FAM227B: variants seen among roughly 807,000 people sequenced by gnomAD.
FAM227B encodes the protein family with sequence similarity 227 member B, also known as protein FAM227B.
Under a neutral mutation model 73.8 loss-of-function variants are expected in FAM227B, and 88 were observed. That is an observed-to-expected ratio of 1.19 (90% CI 1.00 to 1.42). The LOEUF is 1.42. Ranked by LOEUF, FAM227B falls within the 40% of genes most tolerant of loss-of-function variation. The pLI is 0.00. For synonymous variants in FAM227B, 210 were observed against 190.5 expected, an observed-to-expected ratio of 1.10 and a Z score of -0.84; for missense variants, 632 against 590.9, an observed-to-expected ratio of 1.07 and a Z score of -0.72.
chr15:49,359,889 C>G (rs912960628), intron 13 of FAM227B, among the ~76,000 whole-genome samples: 1 of 147,152 alleles, frequency 6.8e-6, no homozygotes, highest in Non-Finnish European at 1.5e-5. Context: ...CACATATACA[C>G]CATGGAATAC....
In FAM227B at chr15:49,374,406, AG is replaced by A. The variant is rs528962146; in HGVS notation, c.1013-3008del. ...AAGAGTTGGAATGTACCTTGGAGAG[AG>A]GGGTAGAAAAGAAATGCCAGGAGAA... On this transcript the variant is annotated intron_variant, in intron 11 of 15. Coordinates refer to ENST00000299338, the MANE Select transcript of FAM227B (RefSeq NM_152647.3). Among the ~76,000 whole-genome samples, 39 of 152,326 alleles carry A rather than the reference AG, an allele frequency of 2.6e-4. No individual in the cohort carries two copies. The South Asian group carries it at 7.5e-3, about 29-fold the overall frequency.
chr15:49,460,233 A>T (rs2053670614), intron 11 of FAM227B, among the ~76,000 whole-genome samples: 1 of 152,014 alleles, frequency 6.6e-6, no homozygotes, highest in South Asian at 2.1e-4. Context: ...AGTCCAAAAA[A>T]CTCAGTGCCC....
At chr15:49,424,687 T>A (rs2049976028) in intron 11 of FAM227B, 9 of 883,242 alleles carry the variant, frequency 1.0e-5, no homozygotes, top group Non-Finnish European at 1.3e-5. Flanking sequence ...GGAAAAAAAA[T>A]TAAATAAAAT....
At chr15:49,535,191 T>TA (rs928144082) in intron 10 of FAM227B, among the ~76,000 whole-genome samples, 1 of 151,050 alleles carries the variant, frequency 6.6e-6, no homozygotes, top group Non-Finnish European at 1.5e-5. Flanking sequence ...TTAGCTAGAC[T>TA]AAAAAAAGGG....
intron 11 of FAM227B, among the ~76,000 whole-genome samples, chr15:49,457,724 T>C (rs1597327542): frequency 6.6e-6 from 1 of 151,794 alleles, no homozygotes; most frequent in East Asian, 1.9e-4. Flanking sequence ...ATTTAGAAAA[T>C]AGATGACAAG....
chr15:49,401,300 G>A (rs2048126058), intron 11 of FAM227B, among the ~76,000 whole-genome samples: 3 of 152,400 alleles, frequency 2.0e-5, no homozygotes, highest in Non-Finnish European at 4.4e-5. Flanking sequence ...ACCACAATGT[G>A]ATACCATTTC....
intron 11 of FAM227B, among the ~76,000 whole-genome samples, chr15:49,395,701 T>C (rs376706919): frequency 1.4e-4 from 21 of 152,336 alleles, no homozygotes; most frequent in African/African-American, 5.1e-4. Flanking sequence ...GGTCAGAAAC[T>C]TCTGAAGTCT....
Position 49,514,097 on chromosome 15 carries a change from T to C in FAM227B, c.875-5749A>G, listed in dbSNP as rs143909544. Among the ~76,000 whole-genome samples the C allele has an allele frequency of 5.9e-3, 896 of 152,204 alleles. 2 individuals carry two copies. The highest frequency in any genetic ancestry group is 8.3e-3 in the Non-Finnish European group (561 of 68,000). ...TATGTGGGCTCTTTTTTTGGTTCCA[T>C]CTGAATTTTAAAGTAGTTTTTGCTA... On this transcript the variant is annotated intron_variant, in intron 10 of 15. Transcript: ENST00000299338.
intron 10 of FAM227B, among the ~76,000 whole-genome samples, chr15:49,518,952 T>C (rs1426637995): frequency 6.6e-6 from 1 of 152,226 alleles, no homozygotes; most frequent in Admixed American, 6.5e-5. Context: ...GACTATGAGC[T>C]TGTAATATCA....
At chr15:49,593,370 G>C (rs983378763) in intron 3 of FAM227B, among the ~76,000 whole-genome samples, 2 of 152,116 alleles carry the variant, frequency 1.3e-5, no homozygotes, top group African/African-American at 2.4e-5. Flanking sequence ...TCAGCATATA[G>C]AGCATTTACT....
intron 11 of FAM227B, among the ~76,000 whole-genome samples, chr15:49,390,426 T>C (rs2047141246): frequency 6.6e-6 from 1 of 152,068 alleles, no homozygotes; most frequent in African/African-American, 2.4e-5. Context: ...AAAATACTAT[T>C]TGTTCTTAGT....
chr15:49,422,797 C>A, intron 11 of FAM227B: 1 of 1,265,082 alleles, frequency 7.9e-7, no homozygotes, highest in Non-Finnish European at 1.1e-6. Context: ...TTCAACTTAT[C>A]TACACAGTGC....
At chr15:49,524,342 T>C (rs1020237594) in intron 10 of FAM227B, among the ~76,000 whole-genome samples, 21 of 151,942 alleles carry the variant, frequency 1.4e-4, no homozygotes, top group Non-Finnish European at 1.9e-4. Flanking sequence ...GTTCAGGGGG[T>C]GGAAGCCCCA....
At position 49,541,711 on chromosome 15, in the gene FAM227B, A is replaced by G. The variant is rs1462720736; in HGVS notation, c.843T>C (p.Asp281=). The G allele has an allele frequency of 3.9e-6, 6 of 1,521,726 alleles. No individual in the cohort carries two copies. The highest frequency in any genetic ancestry group is 4.4e-6 in the Non-Finnish European group (5 of 1,135,540). The allele number at this position is 1,521,726 out of a possible 1,614,324, so 94.3% of individuals were successfully genotyped here. The change falls in exon 10 of 16, where the codon GAT becomes GAC. Residue 281 remains aspartate, a synonymous_variant. Transcript: ENST00000299338. ...SYLFNDEFKE[D]LGNNIFLWCS... Reference sequence around the variant, plus strand: ...ACCAAAGAAAAATGTTATTCCCTAGATCTTCTTTAAATTCATCATTAAAGA... The same window carrying G: ...ACCAAAGAAAAATGTTATTCCCTAGGTCTTCTTTAAATTCATCATTAAAGA...
At chr15:49,535,335 A>T (rs866947032) in intron 10 of FAM227B, among the ~76,000 whole-genome samples, 2 of 151,678 alleles carry the variant, frequency 1.3e-5, no homozygotes, top group Admixed American at 6.6e-5. Flanking sequence ...GGAATGGACA[A>T]ATACCTAGAA....
chr15:49,355,882 A>G (rs1372189980), intron 13 of FAM227B, among the ~76,000 whole-genome samples: 1 of 152,204 alleles, frequency 6.6e-6, no homozygotes, highest in African/African-American at 2.4e-5. Flanking sequence ...TCAGACTAAC[A>G]GTGGATCTCT....
rs1258188041 is a variant in FAM227B at position 49,402,457 on chromosome 15, C to T, written c.1013-31058G>A. ...GTTTGTGTCCTCCAATTTCTTTAAG[C>T]AGTCTTTTGTAGTTCTTACTGAAAA... On this transcript the variant is annotated intron_variant, in intron 11 of 15. Coordinates refer to ENST00000299338, the MANE Select transcript of FAM227B (RefSeq NM_152647.3). 2.0e-5 allele frequency among the ~76,000 whole-genome samples: 3 copies of T among 152,188 alleles called. 1 individual carries two copies. The highest frequency in any genetic ancestry group is 7.2e-5 in the African/African-American group (3 of 41,456).
intron 9 of FAM227B, among the ~76,000 whole-genome samples, chr15:49,545,840 T>G (rs1386841185): frequency 6.6e-6 from 1 of 152,148 alleles, no homozygotes; most frequent in Non-Finnish European, 1.5e-5. Flanking sequence ...TTTATTCTAC[T>G]GTGGTCTGAA....
intron 13 of FAM227B, among the ~76,000 whole-genome samples, chr15:49,354,586 G>A (rs1032602691): frequency 6.6e-6 from 1 of 152,222 alleles, no homozygotes; most frequent in South Asian, 2.1e-4. Flanking sequence ...CACCTGGCTG[G>A]AAGGGTCCTA....
Sources: allele counts gnomAD v4.1 joint callset (sites outside exome capture counted in the v4.1 genomes callset), GRCh38; gene constraint gnomAD v4.1.1; transcripts MANE v1.5; gene names NCBI Gene and HGNC (gene_info 2026-07-23, HGNC 2026-07-21).